SPSB1: variants seen among roughly 807,000 people sequenced by gnomAD.
SPSB1 encodes the protein splA/ryanodine receptor domain and SOCS box containing 1.
In SPSB1, 8 loss-of-function variants were observed where a neutral mutation model predicts 21.2. The ratio of observed to expected loss-of-function variants is 0.38; its 90% CI spans 0.22 to 0.68. The LOEUF (loss-of-function observed/expected upper bound fraction) is 0.68, where lower values mean the gene tolerates loss of function less well. Among genes scored for constraint, SPSB1 ranks in the 30% least tolerant of loss-of-function variants. SPSB1 has a pLI of 0.53. For synonymous variants in SPSB1, 169 were observed against 161.7 expected (o/e 1.05, Z -0.34); for missense variants, 242 against 377.8 (o/e 0.64, Z 2.98).
intron 2 of SPSB1, among the ~76,000 whole-genome samples, chr1:9,360,500 G>T (rs1434283754): frequency 6.6e-6 from 1 of 152,184 alleles, no homozygotes; most frequent in Non-Finnish European, 1.5e-5. Flanking sequence ...GCGCTCAGGA[G>T]GCCAGGTGTC....
intron 1 of SPSB1, among the ~76,000 whole-genome samples, chr1:9,330,574 A>G (rs1411005455): frequency 1.3e-5 from 2 of 152,094 alleles, no homozygotes; most frequent in Non-Finnish European, 2.9e-5. Context: ...TGTGATCTGG[A>G]CACACGTATC....
At chr1:9,357,129 ATGAG>A (rs1257728757) in intron 2 of SPSB1, among the ~76,000 whole-genome samples, 7 of 72,778 alleles carry the variant, frequency 9.6e-5, no homozygotes, top group Middle Eastern at 6.8e-3. Context: ...GGATGGATGG[ATGAG>A]TGGATGGATG....
At chr1:9,358,184 G>C (rs984184918) in intron 2 of SPSB1, among the ~76,000 whole-genome samples, 22 of 152,296 alleles carry the variant, frequency 1.4e-4, no homozygotes, top group African/African-American at 3.8e-4. Context: ...GGGTGGTTAG[G>C]CATGCGCAAA....
At chr1:9,314,437 T>G (rs1004324603) in intron 1 of SPSB1, among the ~76,000 whole-genome samples, 8 of 151,858 alleles carry the variant, frequency 5.3e-5, no homozygotes, top group Middle Eastern at 3.4e-3. Context: ...CTTGTGAGCA[T>G]CTAGACCCCG....
chr1:9,369,202 A>G lies in SPSB1; in HGVS notation c.*1627A>G, dbSNP rs1440850523. The G allele has an allele frequency of 2.3e-5, 3 of 129,528 alleles. No individual in the cohort carries two copies. The highest frequency in any genetic ancestry group is 3.3e-5 in the Non-Finnish European group (2 of 59,990). 8.0% of individuals were successfully genotyped at this position (129,528 alleles called of 1,614,324 possible). On this transcript the variant is annotated 3_prime_UTR_variant, in exon 3 of 3. Transcript: ENST00000328089. The stretch of plus-strand genomic sequence containing the variant: ...TGTACATTACCCCCTTATTATTTTG[A>G]CGGTTTTTTTTTTCGGGGCAGGGGA...
At chr1:9,331,524 G>T (rs60111082) in intron 1 of SPSB1, among the ~76,000 whole-genome samples, 28,789 of 151,754 alleles carry the variant, frequency 0.19, 3,516 homozygotes, top group East Asian at 0.47. Context: ...TAGAAACGGG[G>T]TTTCATCATG....
In SPSB1 at chr1:9,345,662, T is replaced by A. The variant is rs1557461120; in HGVS notation, c.-149-10081T>A. On this transcript the variant is annotated intron_variant, in intron 1 of 2. Coordinates refer to ENST00000328089, the MANE Select transcript of SPSB1 (RefSeq NM_025106.4). This position sits in a 1 kb window ranked among gnomAD's most constrained non-coding sequence, Gnocchi z 4.8. The stretch of plus-strand genomic sequence containing the variant: ...GTTTCCCAGGCCATGGCTCCACTGA[T>A]TCGAGCCCTCTGAAAGTGCTGTGAG... 6.6e-6 allele frequency among the ~76,000 whole-genome samples: 1 copy of A among 152,152 alleles called. No individual in the cohort carries two copies. Among genetic ancestry groups the A allele is most frequent in the Non-Finnish European group, 1.5e-5 (1 of 68,012 alleles).
At chr1:9,327,801 C>T (rs1463978711) in intron 1 of SPSB1, among the ~76,000 whole-genome samples, 1 of 152,270 alleles carries the variant, frequency 6.6e-6, no homozygotes, top group Non-Finnish European at 1.5e-5. Context: ...AAAGCAGCCA[C>T]AGACAACATG....
intron 1 of SPSB1, among the ~76,000 whole-genome samples, chr1:9,298,725 A>G (rs1413611666): frequency 1.3e-5 from 2 of 152,210 alleles, no homozygotes; most frequent in African/African-American, 4.8e-5. Flanking sequence ...CAGGTGATCA[A>G]TGGAGTTTTA....
rs1458847890 is a variant in SPSB1 at position 9,292,943 on chromosome 1, C to A, written c.-278C>A. Reference sequence around the variant, plus strand: ...CTGCGCGCTCGCAGCAGGAACCAGGCTCCAGGCGCCGGCGCCGGGGCCGGG... The same window carrying A: ...CTGCGCGCTCGCAGCAGGAACCAGGATCCAGGCGCCGGCGCCGGGGCCGGG... On this transcript the variant is annotated 5_prime_UTR_variant, in exon 1 of 3. Coordinates refer to ENST00000328089, the MANE Select transcript of SPSB1 (RefSeq NM_025106.4). 1.2e-6 allele frequency: 1 copy of A among 869,436 alleles called. No homozygotes were observed. The highest frequency in any genetic ancestry group is 5.9e-4 in the Middle Eastern group (1 of 1,700). The allele number at this position is 869,436 out of a possible 1,614,324, so 53.9% of individuals were successfully genotyped here.
In SPSB1 at chr1:9,316,592, A is replaced by G. The variant is rs556410079; in HGVS notation, c.-150+23521A>G. ...GATCGAAGCGGGTTCAGGGGCTGCC[A>G]TTTACGAAAGGCTGGGAGCGTTTTG... On this transcript the variant is annotated intron_variant, in intron 1 of 2. Coordinates refer to ENST00000328089, the MANE Select transcript of SPSB1 (RefSeq NM_025106.4). Among the ~76,000 whole-genome samples, 33 of 152,116 alleles carry G rather than the reference A, an allele frequency of 2.2e-4. No homozygotes were observed. The East Asian group carries it at 5.3e-3, about 24-fold the overall frequency.
intron 1 of SPSB1, among the ~76,000 whole-genome samples, chr1:9,354,264 G>A (rs1453186012): frequency 2.6e-5 from 4 of 152,044 alleles, no homozygotes; most frequent in Non-Finnish European, 5.9e-5. Context: ...TCCTTTACTC[G>A]GGCACCCTAG....
rs117912845 is a variant in SPSB1 at position 9,346,814 on chromosome 1, A to G, written c.-149-8929A>G. 9.0e-4 allele frequency among the ~76,000 whole-genome samples: 137 copies of G among 152,332 alleles called. No individual in the cohort carries two copies. In the East Asian group the frequency reaches 0.021, roughly 24 times the overall value. On this transcript the variant is annotated intron_variant, in intron 1 of 2. Coordinates refer to ENST00000328089, the MANE Select transcript of SPSB1 (RefSeq NM_025106.4). This position sits in a 1 kb window ranked among gnomAD's most constrained non-coding sequence, Gnocchi z 4.4. The stretch of plus-strand genomic sequence containing the variant: ...CATGCAGAGCTGCTGTGCAGCTGCC[A>G]CCTGGCTGGGTATGGGGACGGACCA...
intron 1 of SPSB1, among the ~76,000 whole-genome samples, chr1:9,315,591 C>A (rs572925230): frequency 6.6e-6 from 1 of 152,248 alleles, no homozygotes; most frequent in Non-Finnish European, 1.5e-5. Flanking sequence ...CTCTGAGGCC[C>A]ACAGTGACAT....
At chr1:9,310,789 T>C (rs1639505110) in intron 1 of SPSB1, among the ~76,000 whole-genome samples, 1 of 152,088 alleles carries the variant, frequency 6.6e-6, no homozygotes, top group South Asian at 2.1e-4. Context: ...GTTTCTCCTG[T>C]CTGAGGGTCT....
At chr1:9,338,509 C>T (rs1640039793) in intron 1 of SPSB1, among the ~76,000 whole-genome samples, 1 of 152,254 alleles carries the variant, frequency 6.6e-6, no homozygotes, top group African/African-American at 2.4e-5. Context: ...CAGATGCTGC[C>T]CTGGCCACTC....
chr1:9,307,862 C>T (rs796659402), intron 1 of SPSB1, among the ~76,000 whole-genome samples: 6 of 152,290 alleles, frequency 3.9e-5, no homozygotes, highest in South Asian at 4.1e-4. Flanking sequence ...ATGTGGTCTT[C>T]GGGGTGCGCG....
intron 1 of SPSB1, among the ~76,000 whole-genome samples, chr1:9,326,072 C>T (rs193104477): frequency 1.3e-5 from 2 of 152,034 alleles, no homozygotes; most frequent in East Asian, 1.9e-4. Flanking sequence ...CTGCATGTCC[C>T]TTAGTTCATC....
At chr1:9,352,978 C>T (rs1038409339) in intron 1 of SPSB1, among the ~76,000 whole-genome samples, 1 of 152,002 alleles carries the variant, frequency 6.6e-6, no homozygotes, top group Non-Finnish European at 1.5e-5. Context: ...GGAGGGGCTA[C>T]GCTGCAGGAA....
Sources: allele counts gnomAD v4.1 joint callset (sites outside exome capture counted in the v4.1 genomes callset), GRCh38; gene constraint gnomAD v4.1.1; non-coding constraint Gnocchi (gnomAD v3.1); transcripts MANE v1.5; gene names NCBI Gene and HGNC (gene_info 2026-07-23, HGNC 2026-07-21).